Variants in SPEN observed in about 807,000 individuals in gnomAD.
The protein encoded by SPEN is msx2-interacting protein.
In SPEN, 18 loss-of-function variants were observed where a neutral mutation model predicts 269.9. The ratio of observed to expected loss-of-function variants is 0.07; its 90% CI spans 0.05 to 0.10. The LOEUF is 0.10. SPEN is among the 10% of genes least tolerant of loss of function. SPEN has a pLI of 1.00. For synonymous variants in SPEN, 1,726 were observed against 1,765.7 expected, an observed-to-expected ratio of 0.98 and a Z score of 0.56; for missense variants, 3,822 against 4,631.2, an observed-to-expected ratio of 0.83 and a Z score of 5.07.
At position 15,928,546 on chromosome 1, in the gene SPEN, T is replaced by A. The variant is rs768924416; in HGVS notation, c.2306T>A (p.Leu769His). The A allele has an allele frequency of 5.0e-6, 8 of 1,613,938 alleles. No individual in the cohort carries two copies. In the Admixed American group the frequency reaches 1.3e-4, roughly 27 times the overall value. The change falls in exon 11 of 15, where the codon CTC (leucine) becomes CAC (histidine). Residue 769 changes from leucine (L) to histidine (H), a missense_variant. Leu to His is a moderately conservative substitution (Grantham distance 99, BLOSUM62 -3). Transcript: ENST00000375759. This position sits in a 1 kb window ranked among gnomAD's most constrained non-coding sequence, Gnocchi z 5.7. ...SSDRSGSCSS[L>H]SPPRYEKLDK... ...GACCGGAGTGGAAGCTGTAGCTCACTCTCCCCTCCAAGATATGAGAAACTG... is the reference window on the plus strand; with the variant it reads ...GACCGGAGTGGAAGCTGTAGCTCACACTCCCCTCCAAGATATGAGAAACTG...
intron 3 of SPEN, among the ~76,000 whole-genome samples, chr1:15,889,517 C>G (rs1557744616): frequency 6.6e-6 from 1 of 152,030 alleles, no homozygotes; most frequent in Non-Finnish European, 1.5e-5. Flanking sequence ...ATTCTTTATA[C>G]AAGCACCCCT....
In SPEN at chr1:15,928,925, T is replaced by A. The variant is rs760187524; in HGVS notation, c.2685T>A (p.Pro895=). The change falls in exon 11 of 15, where the codon CCT becomes CCA. Residue 895 remains proline (P), a synonymous_variant. Coordinates refer to ENST00000375759, the MANE Select transcript of SPEN (RefSeq NM_015001.3). The surrounding 1 kb of genome is among the most constrained non-coding windows in gnomAD (Gnocchi z 5.7). ...AGGGAAAGGTCATTGACCACACTCC[T>A]GTGGAAAAGTTGAAAGCCAAGCTTG... ...EKEGKVIDHT[P]VEKLKAKLDN... 6.2e-7 allele frequency: 1 copy of A among 1,614,208 alleles called. No homozygotes were observed. The highest frequency in any genetic ancestry group is 1.1e-5 in the South Asian group (1 of 91,090).
chr1:15,849,024 A>T (rs982053755), intron 1 of SPEN, among the ~76,000 whole-genome samples: 1 of 152,078 alleles, frequency 6.6e-6, no homozygotes, highest in African/African-American at 2.4e-5. Context: ...TTTGTGAATT[A>T]TAAGAATAAA....
At chr1:15,914,765 A>G (rs912957200) in intron 5 of SPEN, among the ~76,000 whole-genome samples, 1 of 152,184 alleles carries the variant, frequency 6.6e-6, no homozygotes, top group Non-Finnish European at 1.5e-5. Context: ...CAGAGGTTGC[A>G]GTGAGCCGAG....
In SPEN at chr1:15,928,121, C is replaced by T. The variant is rs767745132; in HGVS notation, c.1881C>T (p.Asn627=). 14 of 1,612,470 alleles carry T rather than the reference C, an allele frequency of 8.7e-6. No individual in the cohort carries two copies. The highest frequency in any genetic ancestry group is 1.1e-5 in the Non-Finnish European group (13 of 1,179,014). Reference sequence around the variant, plus strand: ...AACGAAGGGCATCCTACGACTATAACCAAGATCGTACATATTATGAGAGTG... The same window carrying T: ...AACGAAGGGCATCCTACGACTATAATCAAGATCGTACATATTATGAGAGTG... ...REERRASYDY[N]QDRTYYESVR... The change falls in exon 11 of 15, where the codon AAC becomes AAT. Residue 627 remains asparagine, a synonymous_variant. Coordinates refer to ENST00000375759, the MANE Select transcript of SPEN (RefSeq NM_015001.3). This position sits in a 1 kb window ranked among gnomAD's most constrained non-coding sequence, Gnocchi z 5.7.
chr1:15,883,664 A>G (rs943461920), intron 3 of SPEN, among the ~76,000 whole-genome samples: 1 of 152,128 alleles, frequency 6.6e-6, no homozygotes, highest in African/African-American at 2.4e-5. Context: ...TGAAAGGGAA[A>G]TGAAAGTATT....
In SPEN at chr1:15,877,738, C is replaced by CTTT. The variant is rs777782248; in HGVS notation, c.881+1081_881+1083dup. On this transcript the variant is annotated intron_variant, in intron 3 of 14. Transcript: ENST00000375759. ...TATGTTCTTCAGGTCTCAGCTTTCC[C>CTTT]TTTTTTTTTTTTTTTTTTTTTTTGA... Among the ~76,000 whole-genome samples the CTTT allele has an allele frequency of 1.6e-3, 168 of 106,806 alleles. 2 individuals are homozygous for CTTT. The highest frequency in any genetic ancestry group is 3.4e-3 in the African/African-American group (87 of 25,500). 70.1% of individuals were successfully genotyped at this position (106,806 alleles called of 152,430 possible).
chr1:15,882,021 T>G (rs969076859), intron 3 of SPEN, among the ~76,000 whole-genome samples: 5 of 152,210 alleles, frequency 3.3e-5, no homozygotes, highest in Non-Finnish European at 7.3e-5. Context: ...ACACTTTTGA[T>G]GAAGAGATTG....
intron 14 of SPEN, 77 bp downstream of exon 14, chr1:15,938,953 G>T (rs1323504182): frequency 6.6e-7 from 1 of 1,524,578 alleles, no homozygotes; most frequent in Non-Finnish European, 8.9e-7. Flanking sequence ...CTACTCATCT[G>T]GTGCCCACTA....
At chr1:15,891,822 A>G (rs1381613179) in intron 3 of SPEN, among the ~76,000 whole-genome samples, 2 of 151,766 alleles carry the variant, frequency 1.3e-5, no homozygotes, top group Non-Finnish European at 2.9e-5. Context: ...AACTAATGTC[A>G]TGGTGTCATG....
chr1:15,932,923 G>A lies in SPEN; in HGVS notation c.6683G>A (p.Gly2228Glu). 1.2e-6 allele frequency: 2 copies of A among 1,614,164 alleles called. No individual in the cohort carries two copies. Among genetic ancestry groups the A allele is most frequent in the Non-Finnish European group, 1.7e-6 (2 of 1,180,018 alleles). ...GGCTCCATCATCAATGACATTTCTG[G>A]GGAGCCAGAAAACTTCCCAGCACCT... is the stretch of plus-strand genomic sequence containing the variant. ...AIGSIINDISGEPENFPAPPP... is the reference protein window; with the variant it reads ...AIGSIINDISEEPENFPAPPP... Residue 2228 changes from glycine (G) to glutamate (E), a missense_variant, in exon 11 of 15, where the codon GGG (glycine) becomes GAG (glutamate). Transcript: ENST00000375759. This position sits in a 1 kb window ranked among gnomAD's most constrained non-coding sequence, Gnocchi z 4.2.
At chr1:15,859,602 C>T (rs551369201) in intron 1 of SPEN, among the ~76,000 whole-genome samples, 2 of 151,886 alleles carry the variant, frequency 1.3e-5, no homozygotes, top group Non-Finnish European at 2.9e-5. Context: ...ATCTCCTGAC[C>T]TTGTGATCCG....
chr1:15,922,182 A>G, intron 9 of SPEN, 67 bp from the exon 10 acceptor site: 1 of 1,222,020 alleles, frequency 8.2e-7, no homozygotes, highest in East Asian at 2.3e-5. Flanking sequence ...GAATTTACAA[A>G]TCTGATAACA....
chr1:15,859,905 CTTTTTTT>C (rs34195453), intron 1 of SPEN, among the ~76,000 whole-genome samples: 16 of 79,632 alleles, frequency 2.0e-4, no homozygotes, highest in Admixed American at 5.9e-4. Flanking sequence ...CAGTTAACAT[CTTTTTTT>C]TTTTTTTTTT....
intron 3 of SPEN, among the ~76,000 whole-genome samples, chr1:15,883,338 T>C (rs757459423): frequency 6.6e-6 from 1 of 152,206 alleles, no homozygotes; most frequent in South Asian, 2.1e-4. Flanking sequence ...AACCAAACTT[T>C]TCAGCTCTTC....
In SPEN at chr1:15,881,495, T is replaced by C. The variant is rs544865520; in HGVS notation, c.881+4817T>C. ...AAGCAGAATGAACTTTCTGGTGATA[T>C]GAAAGAACAAGACTGAGTGGCCTGA... On this transcript the variant is annotated intron_variant, in intron 3 of 14. Transcript: ENST00000375759. Among the ~76,000 whole-genome samples the C allele has an allele frequency of 1.2e-4, 18 of 152,318 alleles. 1 individual carries two copies. Among genetic ancestry groups the C allele is most frequent in the South Asian group, 8.3e-4 (4 of 4,818 alleles).
intron 1 of SPEN, among the ~76,000 whole-genome samples, chr1:15,864,872 A>G (rs1397234189): frequency 1.5e-5 from 2 of 137,518 alleles, no homozygotes; most frequent in African/African-American, 5.3e-5. Context: ...AGAAGGGGGT[A>G]GGGTGGGGAG....
At chr1:15,887,959 C>T (rs57594877) in intron 3 of SPEN, among the ~76,000 whole-genome samples, 3 of 151,370 alleles carry the variant, frequency 2.0e-5, no homozygotes, top group African/African-American at 7.3e-5. Flanking sequence ...GCCCTGGAGG[C>T]AGAGGTTGCA....
At chr1:15,877,961 T>G (rs1350789212) in intron 3 of SPEN, among the ~76,000 whole-genome samples, 1 of 151,958 alleles carries the variant, frequency 6.6e-6, no homozygotes, top group Non-Finnish European at 1.5e-5. Context: ...GCCAGGCTGG[T>G]CTCTAACTCC....
Sources: allele counts gnomAD v4.1 joint callset (sites outside exome capture counted in the v4.1 genomes callset), GRCh38; gene constraint gnomAD v4.1.1; non-coding constraint Gnocchi (gnomAD v3.1); transcripts MANE v1.5; gene names NCBI Gene and HGNC (gene_info 2026-07-23, HGNC 2026-07-21).